AGPAT5: variants seen among roughly 807,000 people sequenced by gnomAD.
AGPAT5 encodes the protein 1-acylglycerol-3-phosphate O-acyltransferase 5, also known as 1-acyl-sn-glycerol-3-phosphate acyltransferase epsilon.
Under a neutral mutation model 45.6 loss-of-function variants are expected in AGPAT5, and 46 were observed. The ratio of observed to expected loss-of-function variants is 1.01; its 90% CI spans 0.80 to 1.29. The LOEUF (loss-of-function observed/expected upper bound fraction) is 1.29. AGPAT5 is among the 50% of genes most tolerant of loss of function. The probability of loss-of-function intolerance (pLI) is 0.00; values close to 1 mark genes in which losing one functional copy is unlikely to be tolerated. For missense variants in AGPAT5, 673 were observed against 450.7 expected (o/e 1.49, Z -4.47); for synonymous variants, 272 against 167.0 (o/e 1.63, Z -4.85).
At chr8:6,747,608 T>G (rs557232353) in intron 5 of AGPAT5, 62 bp from the exon 6 acceptor site, 2 of 1,431,144 alleles carry the variant, frequency 1.4e-6, no homozygotes, top group Non-Finnish European at 1.9e-6. Context: ...ATTTAGATGT[T>G]AAACAGTATA....
intron 2 of AGPAT5, among the ~76,000 whole-genome samples, chr8:6,726,590 T>C (rs916844280): frequency 1.3e-5 from 2 of 152,174 alleles, no homozygotes; most frequent in Non-Finnish European, 2.9e-5. Context: ...GGCTTTTATA[T>C]GTATTCCTTC....
rs7016859 is a variant in AGPAT5 at position 6,760,649 on chromosome 8, A to G, written c.*3261A>G. 0.037 allele frequency among the ~76,000 whole-genome samples: 5,628 copies of G among 152,246 alleles called. 249 individuals carry two copies. Among genetic ancestry groups the G allele is most frequent in the African/African-American group, 0.1 (4,225 of 41,504 alleles). ...GTATCTGGTGGAAAGCTACAATGCA[A>G]TGTCGTTGTAGTTTTGCATGGCTTG... On this transcript the variant is annotated 3_prime_UTR_variant, in exon 8 of 8. Transcript: ENST00000285518.
intron 4 of AGPAT5, among the ~76,000 whole-genome samples, chr8:6,737,737 T>G (rs1801101548): frequency 6.6e-6 from 1 of 152,250 alleles, no homozygotes; most frequent in Admixed American, 6.5e-5. Context: ...AGATTCAGGT[T>G]TAAATCCCAG....
Position 6,760,344 on chromosome 8 carries a change from G to T in AGPAT5, c.*2956G>T, listed in dbSNP as rs1394983636. ...GCCCAGGAGGTTGAGATTGCAGTGA[G>T]CCATGGACATACCACTGCACTACAG... On this transcript the variant is annotated 3_prime_UTR_variant, in exon 8 of 8. Transcript: ENST00000285518. Among the ~76,000 whole-genome samples the T allele has an allele frequency of 1.3e-5, 2 of 152,134 alleles. No homozygotes were observed. Among genetic ancestry groups the T allele is most frequent in the African/African-American group, 4.8e-5 (2 of 41,400 alleles).
intron 1 of AGPAT5, 106 bp downstream of exon 1, chr8:6,708,993 G>T (rs746843517): frequency 3.6e-5 from 40 of 1,121,984 alleles, no homozygotes; most frequent in Non-Finnish European, 3.0e-5. Flanking sequence ...CGGCCCGGCG[G>T]ACCCAGCACG....
At chr8:6,747,854 G>A in intron 6 of AGPAT5, 26 bp downstream of exon 6, 4 of 1,611,976 alleles carry the variant, frequency 2.5e-6, no homozygotes, top group Non-Finnish European at 2.5e-6. Flanking sequence ...CACCTGAAAT[G>A]CCTGTACACG....
At chr8:6,709,017 GCCTCCCCGCCTT>G (rs1563277279) in intron 1 of AGPAT5, 130 bp downstream of exon 1, 3 of 853,692 alleles carry the variant, frequency 3.5e-6, no homozygotes, top group East Asian at 2.7e-5. Context: ...AGCACGTGCC[GCCTCCCCGCCTT>G]CCTCTCCGCA....
Position 6,732,649 on chromosome 8 carries a change from C to T in AGPAT5, c.494C>T (p.Pro165Leu), listed in dbSNP as rs566913444. The change falls in exon 4 of 8, where the codon CCA (proline) becomes CTA (leucine). Residue 165 changes from proline (P) to leucine (L), a missense_variant and splice_region_variant. Physicochemically the swap from Pro to Leu is moderately conservative, Grantham distance 98. Transcript: ENST00000285518. ...CAGAGCTACGTGGACGCAGGAACTC[C>T]AGTAAGAGCCTACCCGTTTTTATTT... ...KLQSYVDAGT[P>L]MYLVIFPEGT... 8 of 1,594,988 alleles carry T rather than the reference C, an allele frequency of 5.0e-6. No individual in the cohort carries two copies. Among genetic ancestry groups the T allele is most frequent in the African/African-American group, 1.4e-5 (1 of 73,764 alleles).
At chr8:6,733,493 G>A (rs1047615306) in intron 4 of AGPAT5, among the ~76,000 whole-genome samples, 3 of 152,148 alleles carry the variant, frequency 2.0e-5, no homozygotes, top group African/African-American at 4.8e-5. Flanking sequence ...TTAGAACATT[G>A]CATCTGTTTT....
intron 7 of AGPAT5, 125 bp from the exon 8 acceptor site, chr8:6,757,038 G>A (rs10112544): frequency 0.16 from 110,517 of 675,762 alleles, 9,643 homozygotes; most frequent in Admixed American, 0.25. Flanking sequence ...GGATGTTTCC[G>A]TATTCATCCT....
At chr8:6,749,452 T>C (rs759339500) in intron 6 of AGPAT5, among the ~76,000 whole-genome samples, 2 of 152,252 alleles carry the variant, frequency 1.3e-5, no homozygotes, top group Non-Finnish European at 2.9e-5. Context: ...GAATATGTAA[T>C]GCATCAGTTT....
intron 1 of AGPAT5, among the ~76,000 whole-genome samples, chr8:6,716,929 C>G (rs1199250932): frequency 6.6e-6 from 1 of 152,176 alleles, no homozygotes; most frequent in African/African-American, 2.4e-5. Context: ...ATGAATCTCA[C>G]TTTTAAGGGA....
chr8:6,737,219 G>T (rs1193136864), intron 4 of AGPAT5, among the ~76,000 whole-genome samples: 1 of 152,136 alleles, frequency 6.6e-6, no homozygotes, highest in African/African-American at 2.4e-5. Context: ...TCCCAGGTCG[G>T]GTTTCTAAGA....
At chr8:6,720,112 G>T (rs1011604229) in intron 1 of AGPAT5, among the ~76,000 whole-genome samples, 5 of 152,180 alleles carry the variant, frequency 3.3e-5, no homozygotes, top group African/African-American at 1.2e-4. Context: ...AGAAGTGCTA[G>T]AAAATGAGAC....
rs528541912 is a variant in AGPAT5 at position 6,732,173 on chromosome 8, C to T, written c.406-388C>T. On this transcript the variant is annotated intron_variant, in intron 3 of 7. Coordinates refer to ENST00000285518, the MANE Select transcript of AGPAT5 (RefSeq NM_018361.5). Reference sequence around the variant, plus strand: ...TTGATTTTTTAAAATCCCTAAAGATCGTGAGACATGTTAAGGACGCTTTTT... The same window carrying T: ...TTGATTTTTTAAAATCCCTAAAGATTGTGAGACATGTTAAGGACGCTTTTT... Among the ~76,000 whole-genome samples the T allele has an allele frequency of 5.9e-3, 355 of 60,154 alleles. 2 individuals are homozygous for T. Among genetic ancestry groups the T allele is most frequent in the Non-Finnish European group, 6.3e-3 (229 of 36,154 alleles). 39.5% of individuals were successfully genotyped at this position (60,154 alleles called of 152,430 possible).
chr8:6,746,692 A>G (rs1007329484), intron 5 of AGPAT5, among the ~76,000 whole-genome samples: 1 of 152,162 alleles, frequency 6.6e-6, no homozygotes, highest in Non-Finnish European at 1.5e-5. Flanking sequence ...ACCACCCTGC[A>G]TTTTAAAACC....
rs565253986 is a variant in AGPAT5, at chr8:6,735,677, C to T, written c.495+3027C>T. On this transcript the variant is annotated intron_variant, in intron 4 of 7. Coordinates refer to ENST00000285518, the MANE Select transcript of AGPAT5 (RefSeq NM_018361.5). ...TCTAAGAAAAGTCATGAATCTACAG[C>T]TTGTCAGTGTTGTTGTTGTTGTAGG... Among the ~76,000 whole-genome samples the T allele has an allele frequency of 3.6e-5, 3 of 83,412 alleles. No homozygotes were observed. In the East Asian group the frequency reaches 1.1e-3, roughly 30 times the overall value. 54.7% of individuals were successfully genotyped at this position (83,412 alleles called of 152,430 possible). A position where few individuals can be genotyped will look rare whatever the true frequency, so the allele number is the denominator to read the frequency against.
chr8:6,720,210 C>T (rs369819346), intron 1 of AGPAT5, among the ~76,000 whole-genome samples: 4 of 152,130 alleles, frequency 2.6e-5, no homozygotes, highest in African/African-American at 9.6e-5. Context: ...TCCAGCTAAC[C>T]GAGGGCTTAT....
chr8:6,751,023 ACT>A (rs1801639447), intron 6 of AGPAT5, among the ~76,000 whole-genome samples: 1 of 149,594 alleles, frequency 6.7e-6, no homozygotes, highest in Admixed American at 6.7e-5. Flanking sequence ...GCTTGAAAAA[ACT>A]CTGCTTTCAT....
Sources: allele counts gnomAD v4.1 joint callset (sites outside exome capture counted in the v4.1 genomes callset), GRCh38; gene constraint gnomAD v4.1.1; transcripts MANE v1.5; gene names NCBI Gene and HGNC (gene_info 2026-07-23, HGNC 2026-07-21).